EYS: variants seen among roughly 807,000 people sequenced by gnomAD.
The protein encoded by EYS is EGF-like photoreceptor maintenance factor.
Under a neutral mutation model 282.1 loss-of-function variants are expected in EYS, and 250 were observed. That is an observed-to-expected ratio of 0.89 (90% CI 0.80 to 0.98). The LOEUF (loss-of-function observed/expected upper bound fraction) is 0.98. Ranked by LOEUF, EYS falls within the 50% of genes least tolerant of loss-of-function variation. The pLI is 0.00. For missense variants in EYS, 4,016 were observed against 3,709.0 expected, an observed-to-expected ratio of 1.08 and a Z score of -2.15; for synonymous variants, 1,355 against 1,282.9, an observed-to-expected ratio of 1.06 and a Z score of -1.20.
intron 12 of EYS, among the ~76,000 whole-genome samples, chr6:65,183,515 C>T (rs1378137666): frequency 1.3e-5 from 2 of 151,774 alleles, no homozygotes; most frequent in Non-Finnish European, 2.9e-5. Flanking sequence ...TCTTATAGTA[C>T]TAAAAAGTTT....
chr6:64,991,040 T>A (rs187552075), intron 14 of EYS, among the ~76,000 whole-genome samples: 286 of 151,438 alleles, frequency 1.9e-3, no homozygotes, highest in African/African-American at 6.5e-3. Context: ...CATATTAAGA[T>A]AATTATACAG....
intron 9 of EYS, among the ~76,000 whole-genome samples, chr6:65,346,364 T>A: frequency 7.4e-6 from 1 of 134,418 alleles, no homozygotes; most frequent in East Asian, 2.1e-4. Flanking sequence ...AACAAAACTA[T>A]AACATTTTTA....
At chr6:65,160,501 T>C (rs957531523) in intron 12 of EYS, among the ~76,000 whole-genome samples, 5 of 150,800 alleles carry the variant, frequency 3.3e-5, no homozygotes, top group East Asian at 2.0e-4. Flanking sequence ...ATTTTCAAAG[T>C]TGGGGGCACT....
intron 31 of EYS, among the ~76,000 whole-genome samples, chr6:64,183,657 T>C (rs1764850033): frequency 6.6e-6 from 1 of 152,280 alleles, no homozygotes; most frequent in South Asian, 2.1e-4. Flanking sequence ...TATTTAAAAC[T>C]TTTAAATGTA....
At chr6:65,610,249 T>C (rs2149794557) in intron 2 of EYS, among the ~76,000 whole-genome samples, 1 of 152,042 alleles carries the variant, frequency 6.6e-6, no homozygotes, top group Non-Finnish European at 1.5e-5. Context: ...TCTTTTTTGG[T>C]TTCTTTGTAT....
At chr6:64,351,118 C>T (rs987333310) in intron 29 of EYS, among the ~76,000 whole-genome samples, 7 of 150,558 alleles carry the variant, frequency 4.6e-5, no homozygotes, top group South Asian at 2.1e-4. Flanking sequence ...TTCATAGTAG[C>T]GTGAGAATGG....
chr6:65,569,456 A>G (rs1302922851), intron 2 of EYS, among the ~76,000 whole-genome samples: 4 of 152,094 alleles, frequency 2.6e-5, no homozygotes, highest in Non-Finnish European at 5.9e-5. Flanking sequence ...TTGCCTGGGG[A>G]CCAGACTGCC....
chr6:65,008,082 C>G (rs1454789772), intron 13 of EYS, among the ~76,000 whole-genome samples: 1 of 152,150 alleles, frequency 6.6e-6, no homozygotes, highest in Non-Finnish European at 1.5e-5. Flanking sequence ...TAGGCCCTCA[C>G]TGGGACACAG....
Position 65,142,479 on chromosome 6 carries a change from A to AACACACACACACACAC in EYS, c.2024-84768_2024-84753dup, listed in dbSNP as rs71268364. Among the ~76,000 whole-genome samples, 917 of 134,964 alleles carry AACACACACACACACAC rather than the reference A, an allele frequency of 6.8e-3. 8 individuals are homozygous for AACACACACACACACAC. Among genetic ancestry groups the AACACACACACACACAC allele is most frequent in the African/African-American group, 0.017 (606 of 35,688 alleles). The allele number at this position is 134,964 out of a possible 152,430, so 88.5% of individuals were successfully genotyped here. A position where few individuals can be genotyped will look rare whatever the true frequency, so the allele number is the denominator to read the frequency against. On this transcript the variant is annotated intron_variant, in intron 12 of 42. Coordinates refer to ENST00000503581, the MANE Select transcript of EYS (RefSeq NM_001142800.2). ...CATGATAAATGGAATAGAAATACAAAACACACACACACACACACACACACA... is the reference window on the plus strand; with the variant it reads ...CATGATAAATGGAATAGAAATACAAAACACACACACACACACACACACACACACACACACACACACA...
At chr6:65,116,684 C>T (rs969382462) in intron 12 of EYS, among the ~76,000 whole-genome samples, 4 of 151,872 alleles carry the variant, frequency 2.6e-5, no homozygotes, top group Non-Finnish European at 4.4e-5. Context: ...AATAACAATT[C>T]TATGAAAACA....
At chr6:64,094,008 G>A (rs376414711) in intron 31 of EYS, among the ~76,000 whole-genome samples, 214 of 152,112 alleles carry the variant, frequency 1.4e-3, no homozygotes, top group African/African-American at 4.9e-3. Flanking sequence ...ATCTATTGAG[G>A]TAATCATGTG....
chr6:64,367,759 G>A (rs1772226293), intron 29 of EYS, among the ~76,000 whole-genome samples: 2 of 152,020 alleles, frequency 1.3e-5, no homozygotes, highest in African/African-American at 4.8e-5. Flanking sequence ...GCAGCGTGGG[G>A]AGCTACCCTG....
At chr6:65,188,128 T>C (rs918895674) in intron 12 of EYS, among the ~76,000 whole-genome samples, 4 of 151,640 alleles carry the variant, frequency 2.6e-5, no homozygotes, top group African/African-American at 7.2e-5. Flanking sequence ...TATATACTCA[T>C]ATCAATCTTA....
At chr6:63,839,840 A>C (rs1461566495) in intron 36 of EYS, among the ~76,000 whole-genome samples, 3 of 152,176 alleles carry the variant, frequency 2.0e-5, no homozygotes. Context: ...TTTCACCAAC[A>C]GTAATGTAAG....
At chr6:64,430,619 A>G (rs1211215481) in intron 28 of EYS, among the ~76,000 whole-genome samples, 1 of 152,096 alleles carries the variant, frequency 6.6e-6, no homozygotes, top group Non-Finnish European at 1.5e-5. Context: ...AGACAGTTAT[A>G]TTTTCCCTTA....
At chr6:64,578,217 C>T (rs1765944187) in intron 26 of EYS, among the ~76,000 whole-genome samples, 1 of 151,990 alleles carries the variant, frequency 6.6e-6, no homozygotes, top group Non-Finnish European at 1.5e-5. Flanking sequence ...GTCTTTATTT[C>T]CACTCAGAAT....
At chr6:64,318,151 C>G (rs1022600280) in intron 29 of EYS, among the ~76,000 whole-genome samples, 39 of 152,114 alleles carry the variant, frequency 2.6e-4, no homozygotes, top group Admixed American at 2.5e-3. Context: ...TTGTTCTGTA[C>G]ATTACTCCAG....
At chr6:65,678,882 G>T (rs547634848) in intron 1 of EYS, among the ~76,000 whole-genome samples, 6 of 148,832 alleles carry the variant, frequency 4.0e-5, no homozygotes, top group East Asian at 2.0e-4. Context: ...TTTTAAACAG[G>T]AAAAAACAGA....
chr6:65,403,793 G>A (rs953048273), intron 6 of EYS, among the ~76,000 whole-genome samples: 7 of 151,934 alleles, frequency 4.6e-5, no homozygotes, highest in Non-Finnish European at 7.4e-5. Context: ...ACTAAAAGTC[G>A]CTTCTTATAT....
Sources: allele counts gnomAD v4.1 joint callset (sites outside exome capture counted in the v4.1 genomes callset), GRCh38; gene constraint gnomAD v4.1.1; transcripts MANE v1.5; gene names NCBI Gene and HGNC (gene_info 2026-07-23, HGNC 2026-07-21).